FRMD1: variants seen among roughly 807,000 people sequenced by gnomAD.
FRMD1 encodes FERM domain-containing protein 1.
In FRMD1, 51 loss-of-function variants were observed where a neutral mutation model predicts 54.9. The observed-to-expected ratio is 0.93, with a 90% CI of 0.74 to 1.17. FRMD1 has a LOEUF of 1.17. FRMD1 is among the 50% of genes most tolerant of loss of function. FRMD1 has a pLI of 0.00. For synonymous variants in FRMD1, 324 were observed against 306.4 expected, an observed-to-expected ratio of 1.06 and a Z score of -0.60; for missense variants, 729 against 743.0, an observed-to-expected ratio of 0.98 and a Z score of 0.22.
chr6:168,061,086 C>T (rs778629758), intron 8 of FRMD1, 29 bp from the exon 9 acceptor site: 30 of 1,587,816 alleles, frequency 1.9e-5, no homozygotes, highest in African/African-American at 1.6e-4. Flanking sequence ...ACAGTGAGGG[C>T]GAGCTGGAGA....
At position 168,060,788 on chromosome 6, in the gene FRMD1, G is replaced by A. The variant is rs1373322046; in HGVS notation, c.1315C>T (p.His439Tyr). 1.2e-6 allele frequency: 2 copies of A among 1,611,878 alleles called. No individual in the cohort carries two copies. Among genetic ancestry groups the A allele is most frequent in the African/African-American group, 1.3e-5 (1 of 75,024 alleles). ...PSSSPRTSRS[H>Y]PSTRGDSQAT... ...TGGCTGTCACCACGTGTGCTGGGGT[G>A]GCTGCGGCTGGTCCTGGGGCTGGAG... Residue 439 changes from histidine (H) to tyrosine (Y), a missense_variant, in exon 9 of 11, where the codon CAC becomes TAC. Transcript: ENST00000283309.
At chr6:168,078,650 C>CTCTGCT (rs1800708338) in intron 1 of FRMD1, among the ~76,000 whole-genome samples, 1 of 128,218 alleles carries the variant, frequency 7.8e-6, no homozygotes, top group African/African-American at 3.0e-5. Context: ...ACCCCCACGG[C>CTCTGCT]CACCCAGGGC....
intron 1 of FRMD1, among the ~76,000 whole-genome samples, chr6:168,077,615 A>T (rs1800656354): frequency 6.6e-6 from 1 of 152,264 alleles, no homozygotes; most frequent in Non-Finnish European, 1.5e-5. Context: ...CAGGGGCCAC[A>T]GGAGTTGCAG....
chr6:168,055,998 C>A lies in FRMD1; in HGVS notation c.*1099G>T. Reference sequence around the variant, plus strand: ...GGGTGGTGTGGCGTGGTCTTCACCACACACAGACAGTGAAGGGGGCAGTGG... The same window carrying A: ...GGGTGGTGTGGCGTGGTCTTCACCAAACACAGACAGTGAAGGGGGCAGTGG... On this transcript the variant is annotated 3_prime_UTR_variant, in exon 11 of 11. Coordinates refer to ENST00000283309, the MANE Select transcript of FRMD1 (RefSeq NM_024919.6). 6.6e-6 allele frequency: 1 copy of A among 152,506 alleles called. No homozygotes were observed. The highest frequency in any genetic ancestry group is 1.5e-5 in the Non-Finnish European group (1 of 68,148). The allele number at this position is 152,506 out of a possible 1,614,324, so 9.4% of individuals were successfully genotyped here. A position where few individuals can be genotyped will look rare whatever the true frequency, so the allele number is the denominator to read the frequency against.
intron 9 of FRMD1, among the ~76,000 whole-genome samples, chr6:168,060,403 A>G (rs1418330018): frequency 6.6e-6 from 1 of 150,400 alleles, no homozygotes; most frequent in African/African-American, 2.5e-5. Flanking sequence ...GGGGCTTCCT[A>G]GGAGTGGGAG....
rs1799422661 is a variant in FRMD1, at chr6:168,056,737, G to A, written c.*360C>T. 1 of 185,692 alleles carries A rather than the reference G, an allele frequency of 5.4e-6. No individual in the cohort carries two copies. Among genetic ancestry groups the A allele is most frequent in the East Asian group, 1.5e-4 (1 of 6,758 alleles). 11.5% of individuals were successfully genotyped at this position (185,692 alleles called of 1,614,324 possible). A position where few individuals can be genotyped will look rare whatever the true frequency, so the allele number is the denominator to read the frequency against. On this transcript the variant is annotated 3_prime_UTR_variant, in exon 11 of 11. Transcript: ENST00000283309. ...GAAACTGCAGAGCTGTCTCTCCAGG[G>A]TCTGGGCCCAGCTGTGTCACCTTCT...
At chr6:168,060,673 G>T in intron 9 of FRMD1, 88 bp downstream of exon 9, 1 of 1,379,198 alleles carries the variant, frequency 7.3e-7, no homozygotes, top group Non-Finnish European at 9.8e-7. Flanking sequence ...CCAGGGCTTT[G>T]CTGCCTCGGT....
intron 1 of FRMD1, among the ~76,000 whole-genome samples, chr6:168,087,600 G>A (rs1583214636): frequency 1.3e-5 from 2 of 152,218 alleles, no homozygotes; most frequent in Admixed American, 6.5e-5. Flanking sequence ...ACCACTCAGA[G>A]CTCTGACCTG....
intron 7 of FRMD1, chr6:168,062,690 A>G (rs1045354070): frequency 1.9e-6 from 3 of 1,550,726 alleles, no homozygotes; most frequent in African/African-American, 2.7e-5. Context: ...CAGCTTCCCA[A>G]CGTGGGGCCA....
intron 2 of FRMD1, among the ~76,000 whole-genome samples, chr6:168,071,608 G>A (rs959508596): frequency 9.9e-5 from 15 of 152,190 alleles, no homozygotes; most frequent in African/African-American, 3.1e-4. Context: ...CAGTGAGCTC[G>A]GCCACAGGCT....
chr6:168,079,189 G>A lies in FRMD1; in HGVS notation c.-95C>T, dbSNP rs187509015. ...GTGCTTTCCGGGACCCGCCCTTGCCGAGCTTCTCACTGGGAAGGGAATTGA... is the reference window on the plus strand; with the variant it reads ...GTGCTTTCCGGGACCCGCCCTTGCCAAGCTTCTCACTGGGAAGGGAATTGA... On this transcript the variant is annotated 5_prime_UTR_variant, in exon 1 of 11. Coordinates refer to ENST00000283309, the MANE Select transcript of FRMD1 (RefSeq NM_024919.6). 14,748 of 1,425,910 alleles carry A rather than the reference G, an allele frequency of 0.01. 93 individuals carry two copies. The highest frequency in any genetic ancestry group is 0.012 in the Non-Finnish European group (13,317 of 1,089,950). The allele number at this position is 1,425,910 out of a possible 1,614,324, so 88.3% of individuals were successfully genotyped here.
At position 168,061,821 on chromosome 6, in the gene FRMD1, C is replaced by T. The variant is rs536431360; in HGVS notation, c.1031G>A (p.Arg344Gln). 5.3e-5 allele frequency: 82 copies of T among 1,557,582 alleles called. No homozygotes were observed. Among genetic ancestry groups the T allele is most frequent in the South Asian group, 8.3e-5 (7 of 84,670 alleles). ...VRPTLQQLRQ[R>Q]EEAEEKQHYR... ...CCCAGCCCCACCTTCTGCCTCCTCC[C>T]GCTGCCGCAGCTGTTGCAGAGTGGG... The change falls in exon 8 of 11, where the codon CGG (arginine) becomes CAG (glutamine). Residue 344 changes from arginine (R) to glutamine (Q), a missense_variant. Coordinates refer to ENST00000283309, the MANE Select transcript of FRMD1 (RefSeq NM_024919.6).
At chr6:168,066,713 C>T (rs779185402) in intron 4 of FRMD1, 42 bp downstream of exon 4, 1 of 1,571,722 alleles carries the variant, frequency 6.4e-7, no homozygotes, top group South Asian at 1.2e-5. Context: ...GGCAGATTTT[C>T]AGTATTCCAG....
chr6:168,063,797 T>TC (rs1181183052), intron 5 of FRMD1, 41 bp from the exon 6 acceptor site: 6 of 1,560,662 alleles, frequency 3.8e-6, no homozygotes, highest in Non-Finnish European at 5.2e-6. Context: ...CCCCTGCTGG[T>TC]CCCCCCTTCC....
rs184920973 is a variant in FRMD1 at position 168,057,579 on chromosome 6, G to A, written c.1408-240C>T. 5.3e-6 allele frequency: 3 copies of A among 565,806 alleles called. No individual in the cohort carries two copies. The African/African-American group carries it at 5.7e-5, about 11-fold the overall frequency. The allele number at this position is 565,806 out of a possible 1,614,324, so 35.0% of individuals were successfully genotyped here. ...CCACCTTGCCCAGCTTCTTTCCTGGGGCTGCTTTCTGCCTTTTAACTCAGT... is the reference window on the plus strand; with the variant it reads ...CCACCTTGCCCAGCTTCTTTCCTGGAGCTGCTTTCTGCCTTTTAACTCAGT... On this transcript the variant is annotated intron_variant, in intron 10 of 10. Transcript: ENST00000283309.
intron 2 of FRMD1, among the ~76,000 whole-genome samples, chr6:168,070,636 T>C (rs1009369521): frequency 1.3e-5 from 2 of 152,178 alleles, no homozygotes; most frequent in African/African-American, 4.8e-5. Context: ...TATGAGCCAG[T>C]TCTTTACAAT....
rs1036604242 is a variant in FRMD1 at position 168,056,473 on chromosome 6, G to C, written c.*624C>G. ...GCCCTGGCTTGGAAGGGAAAGCACA[G>C]CCATTGACTGTGGATGGTGGAGGAG... On this transcript the variant is annotated 3_prime_UTR_variant, in exon 11 of 11. Coordinates refer to ENST00000283309, the MANE Select transcript of FRMD1 (RefSeq NM_024919.6). 6.6e-6 allele frequency: 1 copy of C among 152,458 alleles called. No homozygotes were observed. Among genetic ancestry groups the C allele is most frequent in the African/African-American group, 2.4e-5 (1 of 41,454 alleles). 9.4% of individuals were successfully genotyped at this position (152,458 alleles called of 1,614,324 possible). A position where few individuals can be genotyped will look rare whatever the true frequency, so the allele number is the denominator to read the frequency against.
chr6:168,092,272 C>G (rs1460054350), intron 1 of FRMD1, among the ~76,000 whole-genome samples: 1 of 152,224 alleles, frequency 6.6e-6, no homozygotes, highest in Admixed American at 6.5e-5. Flanking sequence ...TTGTGCATCT[C>G]CAGGACTTTG....
At chr6:168,067,949 G>GAGA (rs1800128087) in intron 2 of FRMD1, among the ~76,000 whole-genome samples, 1 of 147,768 alleles carries the variant, frequency 6.8e-6, no homozygotes, top group African/African-American at 2.5e-5. Flanking sequence ...GTCACCACAG[G>GAGA]AAAAAAAAAA....
Sources: allele counts gnomAD v4.1 joint callset (sites outside exome capture counted in the v4.1 genomes callset), GRCh38; gene constraint gnomAD v4.1.1; transcripts MANE v1.5; gene names NCBI Gene and HGNC (gene_info 2026-07-23, HGNC 2026-07-21).